ARID3B: variants seen among roughly 807,000 people sequenced by gnomAD.
The protein encoded by ARID3B is AT-rich interaction domain 3B.
A neutral mutation model predicts 51.9 loss-of-function variants in ARID3B; 10 were observed. The observed-to-expected ratio is 0.19, with a 90% CI of 0.12 to 0.33. The LOEUF is 0.33. Ranked by LOEUF, ARID3B falls within the 10% of genes least tolerant of loss-of-function variation. The pLI is 1.00. For synonymous variants in ARID3B, 205 were observed against 279.5 expected, an observed-to-expected ratio of 0.73 and a Z score of 2.66; for missense variants, 483 against 716.3, an observed-to-expected ratio of 0.67 and a Z score of 3.72.
intron 2 of ARID3B, among the ~76,000 whole-genome samples, chr15:74,568,013 CCTCTT>C (rs1179866241): frequency 6.6e-6 from 1 of 152,102 alleles, no homozygotes; most frequent in Non-Finnish European, 1.5e-5. Context: ...GAGGTGTAGC[CCTCTT>C]CTCTTTTTCT....
chr15:74,567,880 G>C (rs1261601604), intron 2 of ARID3B, among the ~76,000 whole-genome samples: 1 of 152,198 alleles, frequency 6.6e-6, no homozygotes, highest in Non-Finnish European at 1.5e-5. Context: ...TTCCAGGGTT[G>C]AGATGCTGGA....
chr15:74,555,508 C>A (rs2061654236), intron 2 of ARID3B, among the ~76,000 whole-genome samples: 1 of 151,916 alleles, frequency 6.6e-6, no homozygotes, highest in Admixed American at 6.6e-5. Flanking sequence ...TTTTAAAAAT[C>A]TTTTGTAGAA....
At chr15:74,559,725 A>AT (rs2061672024) in intron 2 of ARID3B, among the ~76,000 whole-genome samples, 1 of 151,988 alleles carries the variant, frequency 6.6e-6, no homozygotes. Context: ...ACTTTTACTT[A>AT]TTTTTTCTGA....
chr15:74,589,750 C>A, intron 4 of ARID3B, 70 bp from the exon 5 acceptor site: 1 of 1,462,140 alleles, frequency 6.8e-7, no homozygotes, highest in Non-Finnish European at 9.3e-7. Flanking sequence ...TAAAGGTGGG[C>A]ATACACGGAA....
intron 2 of ARID3B, among the ~76,000 whole-genome samples, chr15:74,549,581 G>A (rs2061628911): frequency 6.6e-6 from 1 of 151,440 alleles, no homozygotes; most frequent in Non-Finnish European, 1.5e-5. Context: ...AAAAAAAAAG[G>A]GAAAAAGAAA....
Position 74,595,834 on chromosome 15 carries a change from A to G in ARID3B, c.*60A>G, listed in dbSNP as rs1223307432. On this transcript the variant is annotated 3_prime_UTR_variant, in exon 9 of 9. Transcript: ENST00000346246. ...TGTCGAGAGTGAAGGAAGTTGATGC[A>G]CAGAATTTACCTCATCTCACAGAGC... 20 of 1,545,140 alleles carry G rather than the reference A, an allele frequency of 1.3e-5. No individual in the cohort carries two copies. The highest frequency in any genetic ancestry group is 1.7e-5 in the Non-Finnish European group (20 of 1,143,704).
In ARID3B at chr15:74,591,947, C is replaced by G. The variant is rs1041176893; in HGVS notation, c.1420+133C>G. Reference sequence around the variant, plus strand: ...AAGAGGCCCCTCCAGGTTCTGCCTTCCAGGCCCCTAGAAGAGAGGCACTGA... The same window carrying G: ...AAGAGGCCCCTCCAGGTTCTGCCTTGCAGGCCCCTAGAAGAGAGGCACTGA... On this transcript the variant is annotated intron_variant, in intron 7 of 8. Transcript: ENST00000346246. This position sits in a 1 kb window ranked among gnomAD's most constrained non-coding sequence, Gnocchi z 5.8. 7.3e-5 allele frequency: 103 copies of G among 1,401,952 alleles called. No individual in the cohort carries two copies. Among genetic ancestry groups the G allele is most frequent in the Middle Eastern group, 2.5e-4 (1 of 4,042 alleles). The allele number at this position is 1,401,952 out of a possible 1,614,324, so 86.8% of individuals were successfully genotyped here.
At chr15:74,541,482 C>A (rs2061594814) in intron 1 of ARID3B, among the ~76,000 whole-genome samples, 152 bp downstream of exon 1, 2 of 152,224 alleles carry the variant, frequency 1.3e-5, no homozygotes, top group Non-Finnish European at 2.9e-5. Flanking sequence ...GTGAGAGCGC[C>A]GCGGGAGCCC....
At chr15:74,554,071 A>G (rs909844726) in intron 2 of ARID3B, among the ~76,000 whole-genome samples, 36 of 152,144 alleles carry the variant, frequency 2.4e-4, no homozygotes, top group African/African-American at 7.7e-4. Flanking sequence ...CAGTGGCACG[A>G]TCTTGGCTCA....
At chr15:74,543,811 A>T in intron 1 of ARID3B, 49 bp from the exon 2 acceptor site, 1 of 1,272,360 alleles carries the variant, frequency 7.9e-7, no homozygotes. Flanking sequence ...CCTGCTTAAC[A>T]TGGTTGTTTT....
intron 2 of ARID3B, among the ~76,000 whole-genome samples, chr15:74,568,502 AAAAT>A (rs1342264818): frequency 5.3e-5 from 8 of 152,196 alleles, no homozygotes; most frequent in Non-Finnish European, 8.8e-5. Flanking sequence ...TCCCATTTCT[AAAAT>A]AACCACTTCT....
intron 4 of ARID3B, among the ~76,000 whole-genome samples, chr15:74,578,130 TAC>T (rs1885746369): frequency 6.6e-6 from 1 of 151,864 alleles, no homozygotes; most frequent in Non-Finnish European, 1.5e-5. Flanking sequence ...GTACTGGAAT[TAC>T]AGACATGAGC....
chr15:74,541,936 G>C (rs1362114831), intron 1 of ARID3B, among the ~76,000 whole-genome samples: 1 of 152,196 alleles, frequency 6.6e-6, no homozygotes, highest in East Asian at 1.9e-4. Context: ...GCATTGTTTG[G>C]ATCGCTGGCT....
intron 2 of ARID3B, among the ~76,000 whole-genome samples, chr15:74,569,501 C>A (rs937876978): frequency 2.0e-5 from 3 of 152,166 alleles, no homozygotes; most frequent in Non-Finnish European, 4.4e-5. Context: ...GCAGGAGAAT[C>A]GCCTGAACCT....
At chr15:74,557,029 C>G (rs2141452806) in intron 2 of ARID3B, among the ~76,000 whole-genome samples, 1 of 152,094 alleles carries the variant, frequency 6.6e-6, no homozygotes, top group East Asian at 1.9e-4. Flanking sequence ...CCCGCTTCGG[C>G]CTCCCAAAGT....
At chr15:74,549,395 G>A (rs2061627966) in intron 2 of ARID3B, among the ~76,000 whole-genome samples, 1 of 151,948 alleles carries the variant, frequency 6.6e-6, no homozygotes, top group Non-Finnish European at 1.5e-5. Context: ...TACTTTTCTT[G>A]GTAGATACTG....
rs373097859 is a variant in ARID3B, at chr15:74,544,505, T to C, written c.552+17T>C. The C allele has an allele frequency of 4.7e-5, 76 of 1,603,844 alleles. No homozygotes were observed. In the African/African-American group the frequency reaches 9.6e-4, roughly 20 times the overall value. On this transcript the variant is annotated intron_variant, in intron 2 of 8. Transcript: ENST00000346246. ...CTCAAGCAGGTCAGTCTTTCTGGTA[T>C]TGTAGGTCATTTGGTCTTCCTGAAG...
chr15:74,546,802 T>A (rs2061617519), intron 2 of ARID3B, among the ~76,000 whole-genome samples: 1 of 152,196 alleles, frequency 6.6e-6, no homozygotes, highest in Non-Finnish European at 1.5e-5. Flanking sequence ...GATCAAGAAC[T>A]GAACTGGGGG....
chr15:74,560,678 C>T (rs573863415), intron 2 of ARID3B, among the ~76,000 whole-genome samples: 32 of 152,296 alleles, frequency 2.1e-4, no homozygotes, highest in African/African-American at 7.5e-4. Context: ...TTACACCTCA[C>T]AAGTAGGAGT....
Sources: allele counts gnomAD v4.1 joint callset (sites outside exome capture counted in the v4.1 genomes callset), GRCh38; gene constraint gnomAD v4.1.1; non-coding constraint Gnocchi (gnomAD v3.1); transcripts MANE v1.5; gene names NCBI Gene and HGNC (gene_info 2026-07-23, HGNC 2026-07-21).